The following HMCN2 variants were observed in gnomAD, a reference collection of about 807,000 sequenced individuals.
HMCN2 encodes the protein hemicentin-2.
In HMCN2, 325 loss-of-function variants were observed where a neutral mutation model predicts 377.5. That is an observed-to-expected ratio of 0.86 (90% CI 0.79 to 0.94). The LOEUF is 0.94. Ranked by LOEUF, HMCN2 falls within the 40% of genes least tolerant of loss-of-function variation. The pLI, the probability that HMCN2 is intolerant of heterozygous loss-of-function variation, is 0.00. For missense variants in HMCN2, 4,543 were observed against 4,725.3 expected (o/e 0.96, Z 1.13); for synonymous variants, 2,007 against 2,046.8 (o/e 0.98, Z 0.53).
chr9:130,403,439 C>A, intron 79 of HMCN2, 111 bp downstream of exon 79: 1 of 1,167,026 alleles, frequency 8.6e-7, no homozygotes, highest in Non-Finnish European at 1.1e-6. Flanking sequence ...CTGAGAGGTC[C>A]TGGAAAGCCC....
At chr9:130,392,179 C>A in intron 66 of HMCN2, 61 bp downstream of exon 66, 1 of 980,074 alleles carries the variant, frequency 1.0e-6, no homozygotes, top group Non-Finnish European at 1.2e-6. Flanking sequence ...TGGGGATTGT[C>A]AGCAAATGGG....
intron 1 of HMCN2, among the ~76,000 whole-genome samples, chr9:130,279,930 G>A (rs1490531553): frequency 1.3e-5 from 2 of 152,146 alleles, no homozygotes; most frequent in Non-Finnish European, 2.9e-5. Flanking sequence ...GAGGGAGGCA[G>A]GAAGCTTGGA....
At chr9:130,285,088 G>A in intron 2 of HMCN2, 70 bp from the exon 3 acceptor site, 1 of 450,454 alleles carries the variant, frequency 2.2e-6, no homozygotes, top group East Asian at 7.1e-5. Flanking sequence ...CAGTGGTTTT[G>A]GAGATGTCCC....
At chr9:130,429,897 C>A (rs2131834054) in intron 94 of HMCN2, 1 of 938,980 alleles carries the variant, frequency 1.1e-6, no homozygotes, top group Non-Finnish European at 1.5e-6. Context: ...GGGTGCCTGC[C>A]TGTGCACCAA....
intron 23 of HMCN2, among the ~76,000 whole-genome samples, chr9:130,340,361 T>C (rs1301017836): frequency 6.6e-6 from 1 of 152,222 alleles, no homozygotes; most frequent in Non-Finnish European, 1.5e-5. Flanking sequence ...GAACTGAGGC[T>C]CTGGCTGGAG....
At position 130,430,351 on chromosome 9, in the gene HMCN2, C is replaced by A. The variant is rs966017057; in HGVS notation, c.14394C>A (p.Tyr4798Ter). The A allele has an allele frequency of 6.5e-7, 1 of 1,548,756 alleles. No individual in the cohort carries two copies. The highest frequency in any genetic ancestry group is 2.0e-5 in the Admixed American group (1 of 51,002). ...AGTGCCACAACCTCCAGGGCAGCTACCGCTGCCTGTGCCCCCCAGGCCAGA... is the reference window on the plus strand; with the variant it reads ...AGTGCCACAACCTCCAGGGCAGCTAACGCTGCCTGTGCCCCCCAGGCCAGA... ...AYQCHNLQGS[Y>*]RCLCPPGQTL... Residue 4798 changes from tyrosine to a stop codon, truncating the protein, a stop_gained, in exon 95 of 98, where the codon TAC becomes TAA. Transcript: ENST00000683500. LOFTEE classifies it high-confidence loss of function.
chr9:130,425,201 C>A, intron 89 of HMCN2, 71 bp downstream of exon 89: 2 of 1,451,758 alleles, frequency 1.4e-6, no homozygotes, highest in South Asian at 1.4e-5. Flanking sequence ...CTCTCAACCA[C>A]CCCTGAGCAG....
At chr9:130,312,996 C>T (rs910625597) in intron 15 of HMCN2, among the ~76,000 whole-genome samples, 8 of 152,088 alleles carry the variant, frequency 5.3e-5, no homozygotes, top group African/African-American at 1.7e-4. Context: ...GCTGAGTGTC[C>T]ACCTAGACCT....
chr9:130,377,319 T>C (rs1324427756), intron 52 of HMCN2, among the ~76,000 whole-genome samples: 1 of 152,034 alleles, frequency 6.6e-6, no homozygotes, highest in Non-Finnish European at 1.5e-5. Flanking sequence ...TTCTTTATGT[T>C]GGCCAGGCCG....
chr9:130,268,987 T>C (rs1333288013), intron 1 of HMCN2, among the ~76,000 whole-genome samples: 1 of 148,648 alleles, frequency 6.7e-6, no homozygotes, highest in African/African-American at 2.4e-5. Flanking sequence ...AATCAGCAAA[T>C]AGAATCCCCT....
intron 15 of HMCN2, among the ~76,000 whole-genome samples, chr9:130,313,095 T>C (rs1837354397): frequency 6.9e-6 from 1 of 145,850 alleles, no homozygotes; most frequent in Non-Finnish European, 1.6e-5. Flanking sequence ...GGCCTTAACT[T>C]TAGGTCAGGG....
At position 130,356,240 on chromosome 9, in the gene HMCN2, TGGA is replaced by T; in HGVS notation, c.5411_5413del (p.Glu1804del). On this transcript the variant is annotated inframe_deletion, in exon 34 of 98. Coordinates refer to ENST00000683500, the MANE Select transcript of HMCN2 (RefSeq NM_001291815.2). The stretch of plus-strand genomic sequence containing the variant: ...GAGGCGGGCACTGCCGGGGCCGAGG[TGGA>T]GGTGTCTGTGCATGGTGAGTGGGCG... The T allele has an allele frequency of 7.7e-7, 1 of 1,298,972 alleles. No individual in the cohort carries two copies. Among genetic ancestry groups the T allele is most frequent in the Non-Finnish European group, 1.0e-6 (1 of 987,500 alleles). 80.5% of individuals were successfully genotyped at this position (1,298,972 alleles called of 1,614,324 possible). A position where few individuals can be genotyped will look rare whatever the true frequency, so the allele number is the denominator to read the frequency against.
chr9:130,293,279 G>GTTTTTTTT lies in HMCN2; in HGVS notation c.613-1562_613-1555dup, dbSNP rs71387339. On this transcript the variant is annotated intron_variant, in intron 4 of 97. Transcript: ENST00000683500. ...TTCCAAATAAAATCTACTCACTAAAGTTTTTTTTTTTTTTTTTTTTTGCGG... is the reference window on the plus strand; with the variant it reads ...TTCCAAATAAAATCTACTCACTAAAGTTTTTTTTTTTTTTTTTTTTTTTTTTTTTGCGG... Among the ~76,000 whole-genome samples the GTTTTTTTT allele has an allele frequency of 1.8e-3, 100 of 57,112 alleles. 7 individuals carry two copies. Among genetic ancestry groups the GTTTTTTTT allele is most frequent in the South Asian group, 2.5e-3 (3 of 1,208 alleles). 37.5% of individuals were successfully genotyped at this position (57,112 alleles called of 152,430 possible).
rs547755286 is a variant in HMCN2, at chr9:130,298,252, C to A, written c.1013-773C>A. Among the ~76,000 whole-genome samples, 275 of 152,200 alleles carry A rather than the reference C, an allele frequency of 1.8e-3. 2 individuals are homozygous for A. The highest frequency in any genetic ancestry group is 6.3e-3 in the African/African-American group (261 of 41,522). ...TACAGTCATGAGCCACCATGCCAGG[C>A]CAAGATAATTTTTTTTAAAGAGAAA... On this transcript the variant is annotated intron_variant, in intron 7 of 97. Coordinates refer to ENST00000683500, the MANE Select transcript of HMCN2 (RefSeq NM_001291815.2).
Position 130,432,515 on chromosome 9 carries a change from A to G in HMCN2, c.14854A>G (p.Thr4952Ala), listed in dbSNP as rs934180737. The change falls in exon 97 of 98, where the codon ACA becomes GCA. Residue 4952 changes from threonine to alanine, a missense_variant. Thr to Ala is a moderately conservative substitution (Grantham distance 58). This residue lies in a region of HMCN2 where 1,155 missense variants were observed against 1,157.7 expected (regional missense o/e 1.00). Coordinates refer to ENST00000683500, the MANE Select transcript of HMCN2 (RefSeq NM_001291815.2). ...CCGTGGCAGCTACCAGTGTGTGGAC[A>G]CACCCTGTCCTGCCACCTACCGGCA... ...NTRGSYQCVD[T>A]PCPATYRQGP... The G allele has an allele frequency of 6.4e-7, 1 of 1,550,524 alleles. No homozygotes were observed. The highest frequency in any genetic ancestry group is 1.4e-5 in the African/African-American group (1 of 73,044).
chr9:130,428,151 A>G lies in HMCN2; in HGVS notation c.14066-207A>G, dbSNP rs1303577031. 6.6e-6 allele frequency among the ~76,000 whole-genome samples: 1 copy of G among 152,160 alleles called. No individual in the cohort carries two copies. Among genetic ancestry groups the G allele is most frequent in the Non-Finnish European group, 1.5e-5 (1 of 68,022 alleles). ...GCCTTGCATTGGAAGCTGCAGGCCC[A>G]AGGACTCGGGTCCCTTGGAGTGGGC... is the stretch of plus-strand genomic sequence containing the variant. On this transcript the variant is annotated intron_variant, in intron 92 of 97. Coordinates refer to ENST00000683500, the MANE Select transcript of HMCN2 (RefSeq NM_001291815.2). The surrounding 1 kb of genome is among the most constrained non-coding windows in gnomAD (Gnocchi z 5.0).
chr9:130,313,489 G>A lies in HMCN2; in HGVS notation c.2350+3428G>A, dbSNP rs957959742. Among the ~76,000 whole-genome samples the A allele has an allele frequency of 1.5e-3, 228 of 152,276 alleles. 1 individual carries two copies. Among genetic ancestry groups the A allele is most frequent in the Non-Finnish European group, 1.8e-3 (123 of 68,018 alleles). ...TGCCTCTCGGAGCCTCACTTTCCTC[G>A]TCTGTGAAACGAGGAGGGTGGTAGC... On this transcript the variant is annotated intron_variant, in intron 15 of 97. Transcript: ENST00000683500.
At chr9:130,292,684 G>T (rs1440943133) in intron 4 of HMCN2, among the ~76,000 whole-genome samples, 1 of 152,092 alleles carries the variant, frequency 6.6e-6, no homozygotes, top group African/African-American at 2.4e-5. Context: ...TCTCTTTTGG[G>T]CTCAAGTTGT....
intron 15 of HMCN2, among the ~76,000 whole-genome samples, chr9:130,316,371 G>A (rs1289072154): frequency 1.3e-5 from 2 of 151,854 alleles, no homozygotes; most frequent in Non-Finnish European, 2.9e-5. Context: ...GATGGGGGTG[G>A]GGGTGCTGCC....
Sources: gnomAD v4.1 joint callset for allele counts (sites outside exome capture counted in the v4.1 genomes callset) on GRCh38, gnomAD v4.1.1 for gene constraint, gnomAD v4.1.1 regional missense constraint, Gnocchi (gnomAD v3.1) non-coding constraint, MANE v1.5 for transcripts, NCBI Gene and HGNC (gene_info 2026-07-23, HGNC 2026-07-21) for gene names.